Variants in TMEM38B observed in about 807,000 individuals in gnomAD.
The protein encoded by TMEM38B is trimeric intracellular cation channel type B.
A neutral mutation model predicts 28.7 loss-of-function variants in TMEM38B; 24 were observed. The observed-to-expected ratio is 0.84, with a 90% CI of 0.61 to 1.18. TMEM38B has a LOEUF of 1.18. Ranked by LOEUF, TMEM38B falls within the 50% of genes most tolerant of loss-of-function variation. The pLI, the probability that TMEM38B is intolerant of heterozygous loss-of-function variation, is 0.00. For missense variants in TMEM38B, 380 were observed against 350.9 expected (o/e 1.08, Z -0.66); for synonymous variants, 131 against 127.7 (o/e 1.03, Z -0.17).
intron 5 of TMEM38B, among the ~76,000 whole-genome samples, chr9:105,748,571 G>A (rs1187190834): frequency 6.6e-6 from 1 of 152,102 alleles, no homozygotes; most frequent in African/African-American, 2.4e-5. Flanking sequence ...TTTTATATTA[G>A]GACATATTTG....
chr9:105,747,796 C>G (rs1175364442), intron 4 of TMEM38B, among the ~76,000 whole-genome samples: 1 of 152,162 alleles, frequency 6.6e-6, no homozygotes, highest in Non-Finnish European at 1.5e-5. Flanking sequence ...TCGTTGGTTT[C>G]AAAGAACATC....
At chr9:105,745,795 A>T (rs1384275124) in intron 4 of TMEM38B, among the ~76,000 whole-genome samples, 1 of 152,178 alleles carries the variant, frequency 6.6e-6, no homozygotes, top group Non-Finnish European at 1.5e-5. Context: ...AGTTTTCTAC[A>T]TATGGCTAGC....
At chr9:105,714,618 C>T (rs1588405700) in intron 2 of TMEM38B, among the ~76,000 whole-genome samples, 1 of 152,130 alleles carries the variant, frequency 6.6e-6, no homozygotes, top group Non-Finnish European at 1.5e-5. Context: ...CATGGACTAA[C>T]TATATTTCAT....
intron 4 of TMEM38B, among the ~76,000 whole-genome samples, chr9:105,728,400 T>C (rs1364403548): frequency 6.6e-6 from 1 of 152,228 alleles, no homozygotes; most frequent in Non-Finnish European, 1.5e-5. Context: ...GCTTCATCCG[T>C]GTCCCTGTAA....
At chr9:105,707,017 A>G (rs1164694038) in intron 2 of TMEM38B, among the ~76,000 whole-genome samples, 1 of 152,052 alleles carries the variant, frequency 6.6e-6, no homozygotes, top group African/African-American at 2.4e-5. Flanking sequence ...ATGTCAAGTG[A>G]TCTGCCCGTC....
intron 5 of TMEM38B, chr9:105,760,188 T>A (rs564176348): frequency 1.1e-6 from 1 of 916,520 alleles, no homozygotes; most frequent in Admixed American, 1.7e-5. Context: ...TGCGTATGAT[T>A]TCCCAAATGA....
At chr9:105,702,721 G>C (rs547056758) in intron 1 of TMEM38B, 1 of 152,136 alleles carries the variant, frequency 6.6e-6, no homozygotes, top group African/African-American at 2.4e-5. Context: ...TCACTGTGTT[G>C]TCTAGGCTGA....
intron 5 of TMEM38B, chr9:105,758,789 A>G (rs1837927222): frequency 7.2e-6 from 6 of 827,608 alleles, no homozygotes; most frequent in Non-Finnish European, 1.0e-5. Context: ...GATTACATTT[A>G]TCTCAGGAAA....
At chr9:105,773,696 A>G (rs1389989699) in intron 5 of TMEM38B, among the ~76,000 whole-genome samples, 169 bp from the exon 6 acceptor site, 1 of 152,180 alleles carries the variant, frequency 6.6e-6, no homozygotes, top group Non-Finnish European at 1.5e-5. Context: ...GTTATTTTCC[A>G]TTAAGTAGAA....
chr9:105,705,451 T>A (rs1297217183), intron 1 of TMEM38B, 146 bp from the exon 2 acceptor site: 2 of 816,474 alleles, frequency 2.4e-6, no homozygotes, highest in Non-Finnish European at 3.6e-6. Flanking sequence ...GTATGATTTT[T>A]AATGATTTTG....
intron 2 of TMEM38B, among the ~76,000 whole-genome samples, chr9:105,717,313 A>T (rs1226327750): frequency 2.6e-5 from 4 of 152,264 alleles, no homozygotes; most frequent in Admixed American, 2.6e-4. Flanking sequence ...GGATATTAAT[A>T]TAATGGCATT....
chr9:105,704,481 CT>C lies in TMEM38B; in HGVS notation c.113-1108del, dbSNP rs201856350. On this transcript the variant is annotated intron_variant, in intron 1 of 5. Coordinates refer to ENST00000374692, the MANE Select transcript of TMEM38B (RefSeq NM_018112.3). ...TTCATATCTAGAATGTTTTATTGGC[CT>C]TTTTTTTGGGTGTTTTTTTGACTTT... Among the ~76,000 whole-genome samples the C allele has an allele frequency of 8.0e-3, 1,212 of 151,650 alleles. 9 individuals are homozygous for C. Among genetic ancestry groups the C allele is most frequent in the African/African-American group, 0.027 (1,127 of 41,322 alleles).
intron 4 of TMEM38B, among the ~76,000 whole-genome samples, chr9:105,736,384 A>G (rs1046516877): frequency 2.6e-5 from 4 of 151,378 alleles, no homozygotes; most frequent in African/African-American, 7.3e-5. Context: ...CTAATCTGCT[A>G]TTGCAGCTCT....
At chr9:105,736,090 A>T (rs186708621) in intron 4 of TMEM38B, among the ~76,000 whole-genome samples, 16 of 148,566 alleles carry the variant, frequency 1.1e-4, no homozygotes, top group African/African-American at 4.0e-4. Context: ...GGATCTCACT[A>T]TGTTGCCCAG....
At position 105,766,662 on chromosome 9, in the gene TMEM38B, A is replaced by T. The variant is rs886585374; in HGVS notation, c.661-7203A>T. The stretch of plus-strand genomic sequence containing the variant: ...GCCCTTCTTTTTGTGTCCTATTAAG[A>T]AACTATTTTATTCCTCAAGGTTTTG... On this transcript the variant is annotated intron_variant, in intron 5 of 5. Transcript: ENST00000374692. Among the ~76,000 whole-genome samples, 3 of 152,086 alleles carry T rather than the reference A, an allele frequency of 2.0e-5. No individual in the cohort carries two copies. The East Asian group carries it at 5.8e-4, about 29-fold the overall frequency.
intron 5 of TMEM38B, 147 bp downstream of exon 5, chr9:105,748,337 C>T (rs1564409014): frequency 1.6e-6 from 1 of 608,572 alleles, no homozygotes; most frequent in South Asian, 2.2e-5. Flanking sequence ...CTCAGCACAT[C>T]CATGACTTTC....
chr9:105,727,314 A>G (rs576621881), intron 4 of TMEM38B, among the ~76,000 whole-genome samples: 1 of 151,778 alleles, frequency 6.6e-6, no homozygotes, highest in Non-Finnish European at 1.5e-5. Context: ...ATCATGCAGT[A>G]ATTTTCTTTC....
intron 4 of TMEM38B, among the ~76,000 whole-genome samples, chr9:105,747,308 A>G (rs967919000): frequency 1.3e-3 from 200 of 152,094 alleles, no homozygotes; most frequent in African/African-American, 4.6e-3. Context: ...GTCTTGGGAG[A>G]GTGTATGTGT....
intron 4 of TMEM38B, among the ~76,000 whole-genome samples, chr9:105,733,247 G>C (rs976687132): frequency 6.6e-6 from 1 of 152,064 alleles, no homozygotes; most frequent in African/African-American, 2.4e-5. Flanking sequence ...CTATCTATTA[G>C]GTCTGCTCAG....
Sources: allele counts gnomAD v4.1 joint callset (sites outside exome capture counted in the v4.1 genomes callset), GRCh38; gene constraint gnomAD v4.1.1; transcripts MANE v1.5; gene names NCBI Gene and HGNC (gene_info 2026-07-23, HGNC 2026-07-21).